The following LRRTM4 variants were observed in gnomAD, a reference collection of about 807,000 sequenced individuals.
LRRTM4 encodes leucine-rich repeat transmembrane neuronal protein 4.
Under a neutral mutation model 47.6 loss-of-function variants are expected in LRRTM4, and 25 were observed. The ratio of observed to expected loss-of-function variants is 0.53; its 90% CI spans 0.38 to 0.73. The LOEUF is 0.73. Among genes scored for constraint, LRRTM4 ranks in the 30% least tolerant of loss-of-function variants. The pLI, the probability that LRRTM4 is intolerant of heterozygous loss-of-function variation, is 0.00. For missense variants in LRRTM4, 638 were observed against 713.4 expected, an observed-to-expected ratio of 0.89 and a Z score of 1.20; for synonymous variants, 311 against 269.5, an observed-to-expected ratio of 1.15 and a Z score of -1.51.
At chr2:77,439,224 T>G (rs1413623128) in intron 3 of LRRTM4, among the ~76,000 whole-genome samples, 1 of 152,166 alleles carries the variant, frequency 6.6e-6, no homozygotes, top group East Asian at 1.9e-4. Flanking sequence ...ATGAAATAAT[T>G]TCCCGCGTAC....
chr2:76,797,387 A>C (rs184595227), intron 3 of LRRTM4, among the ~76,000 whole-genome samples: 4 of 152,204 alleles, frequency 2.6e-5, no homozygotes, highest in African/African-American at 9.6e-5. Context: ...CGAATGAGAA[A>C]TGAAATACTT....
chr2:77,379,906 T>C (rs978629318), intron 3 of LRRTM4, among the ~76,000 whole-genome samples: 1 of 152,134 alleles, frequency 6.6e-6, no homozygotes. Flanking sequence ...CAGGTTGTTT[T>C]TAAAAGTTTT....
chr2:77,006,045 T>C (rs1032393460), intron 3 of LRRTM4, among the ~76,000 whole-genome samples: 1 of 152,174 alleles, frequency 6.6e-6, no homozygotes, highest in Non-Finnish European at 1.5e-5. Flanking sequence ...GAATCCAGAA[T>C]ACAAACTCTT....
At chr2:77,091,279 T>C (rs1441092575) in intron 3 of LRRTM4, among the ~76,000 whole-genome samples, 1 of 148,756 alleles carries the variant, frequency 6.7e-6, no homozygotes, top group Non-Finnish European at 1.5e-5. Context: ...ATAAGATACC[T>C]CTACTCCCTC....
In LRRTM4 at chr2:76,936,619, C is replaced by G. The variant is rs186666899; in HGVS notation, c.1552-187703G>C. On this transcript the variant is annotated intron_variant, in intron 3 of 3. Coordinates refer to ENST00000409884, the MANE Select transcript of LRRTM4 (RefSeq NM_001134745.3). ...AAAAAAAAGAAAGAAAAAGAAAAAG[C>G]CTTGCAGTGATACTCACTCTTTACT... 5.5e-4 allele frequency among the ~76,000 whole-genome samples: 83 copies of G among 149,822 alleles called. 2 individuals carry two copies. The highest frequency in any genetic ancestry group is 2.1e-3 in the Admixed American group (32 of 15,080).
chr2:77,083,665 A>C (rs1680603830), intron 3 of LRRTM4, among the ~76,000 whole-genome samples: 1 of 152,052 alleles, frequency 6.6e-6, no homozygotes, highest in Admixed American at 6.6e-5. Context: ...AACAGTTAGT[A>C]AAGATCAATT....
chr2:76,851,238 C>T (rs1302278629), intron 3 of LRRTM4, among the ~76,000 whole-genome samples: 1 of 152,162 alleles, frequency 6.6e-6, no homozygotes, highest in Non-Finnish European at 1.5e-5. Flanking sequence ...CATCTTTTGT[C>T]AGATGCTCTG....
chr2:77,458,312 G>C (rs901433301), intron 3 of LRRTM4, among the ~76,000 whole-genome samples: 2 of 152,160 alleles, frequency 1.3e-5, no homozygotes, highest in African/African-American at 4.8e-5. Context: ...AGAAAGGGCA[G>C]AGACATAGTG....
At chr2:77,000,115 C>T (rs536154785) in intron 3 of LRRTM4, among the ~76,000 whole-genome samples, 1 of 152,014 alleles carries the variant, frequency 6.6e-6, no homozygotes, top group Middle Eastern at 3.4e-3. Flanking sequence ...TGACAAAAGC[C>T]CCAGATAATG....
intron 3 of LRRTM4, among the ~76,000 whole-genome samples, chr2:77,124,776 C>T (rs1019007578): frequency 2.0e-5 from 3 of 152,092 alleles, no homozygotes; most frequent in African/African-American, 7.2e-5. Context: ...GCAAGATATT[C>T]TGTGGAATAT....
chr2:77,216,304 C>T (rs1254968421), intron 3 of LRRTM4, among the ~76,000 whole-genome samples: 3 of 152,112 alleles, frequency 2.0e-5, no homozygotes, highest in Non-Finnish European at 4.4e-5. Context: ...AATTTTTGTG[C>T]ATATAGTGAT....
intron 2 of LRRTM4, 80 bp downstream of exon 2, chr2:77,521,588 T>C: frequency 6.4e-7 from 1 of 1,559,100 alleles, no homozygotes; most frequent in South Asian, 1.1e-5. Context: ...CCCCGTCTTT[T>C]ATCTGCTAAT....
At chr2:76,910,222 C>T (rs1674001599) in intron 3 of LRRTM4, among the ~76,000 whole-genome samples, 1 of 151,978 alleles carries the variant, frequency 6.6e-6, no homozygotes, top group South Asian at 2.1e-4. Context: ...TGGAAATCAT[C>T]ATTCTCAGCA....
At chr2:77,084,296 C>T (rs1680636655) in intron 3 of LRRTM4, among the ~76,000 whole-genome samples, 1 of 152,128 alleles carries the variant, frequency 6.6e-6, no homozygotes, top group Non-Finnish European at 1.5e-5. Context: ...AGGCTAGTTG[C>T]AACCATCTTG....
intron 3 of LRRTM4, among the ~76,000 whole-genome samples, chr2:77,362,185 G>GGAAGGAAGGAAGGA (rs1558707532): frequency 2.0e-5 from 3 of 151,522 alleles, no homozygotes; most frequent in African/African-American, 4.9e-5. Context: ...AAGGAAGGAA[G>GGAAGGAAGGAAGGA]AGTTCTTAAT....
chr2:76,976,045 C>A (rs1336579892), intron 3 of LRRTM4, among the ~76,000 whole-genome samples: 1 of 151,614 alleles, frequency 6.6e-6, no homozygotes, highest in Non-Finnish European at 1.5e-5. Flanking sequence ...TTATAACTTT[C>A]CTTATGATGA....
chr2:77,006,632 G>C (rs138869347), intron 3 of LRRTM4, among the ~76,000 whole-genome samples: 11 of 152,224 alleles, frequency 7.2e-5, no homozygotes, highest in African/African-American at 2.4e-4. Flanking sequence ...ACATCATCAT[G>C]ATGCACAAAA....
chr2:77,156,326 C>CAAA (rs11465198), intron 3 of LRRTM4, among the ~76,000 whole-genome samples: 30,988 of 145,962 alleles, frequency 0.21, 3,930 homozygotes, highest in Admixed American at 0.3. Context: ...AGACACAATA[C>CAAA]AAAAAAAAAC....
At chr2:77,402,834 G>A (rs1674013090) in intron 3 of LRRTM4, among the ~76,000 whole-genome samples, 1 of 151,762 alleles carries the variant, frequency 6.6e-6, no homozygotes, top group Non-Finnish European at 1.5e-5. Context: ...TTTACATCCC[G>A]AAACTAGAAT....
Sources: gnomAD v4.1 joint callset for allele counts (sites outside exome capture counted in the v4.1 genomes callset) on GRCh38, gnomAD v4.1.1 for gene constraint, MANE v1.5 for transcripts, NCBI Gene and HGNC (gene_info 2026-07-23, HGNC 2026-07-21) for gene names.